HMGCLL1: variants seen among roughly 807,000 people sequenced by gnomAD.
HMGCLL1 encodes 3-hydroxy-3-methylglutaryl-CoA lyase like 1.
HMGCLL1 carries 36 observed loss-of-function variants against 39.1 expected under a neutral mutation model. That is an observed-to-expected ratio of 0.92 (90% CI 0.71 to 1.22). The LOEUF is 1.22. HMGCLL1 is among the 50% of genes most tolerant of loss of function. The pLI is 0.00. For synonymous variants in HMGCLL1, 149 were observed against 144.0 expected (o/e 1.03, Z -0.25); for missense variants, 451 against 416.5 (o/e 1.08, Z -0.72).
At chr6:55,615,743 T>G in the HMGCLL1 span, among the ~76,000 whole-genome samples, 1 of 152,144 alleles carries the variant, frequency 6.6e-6, no homozygotes, top group Non-Finnish European at 1.5e-5. Flanking sequence ...TGCATTTGTT[T>G]AAGGCTTTAT....
At chr6:55,534,731 C>A (rs1253196279) in intron 3 of HMGCLL1, among the ~76,000 whole-genome samples, 2 of 152,114 alleles carry the variant, frequency 1.3e-5, no homozygotes, top group Non-Finnish European at 2.9e-5. Flanking sequence ...TTACTGAATT[C>A]TTGATACACA....
chr6:55,617,584 C>A, the HMGCLL1 span, among the ~76,000 whole-genome samples: 1 of 152,022 alleles, frequency 6.6e-6, no homozygotes, highest in African/African-American at 2.4e-5. Flanking sequence ...AAGGTGGAAG[C>A]TTTTACAAAA....
At chr6:55,583,792 G>A (rs1466533415), upstream of HMGCLL1, among the ~76,000 whole-genome samples, 1 of 152,100 alleles carries the variant, frequency 6.6e-6, no homozygotes, top group Non-Finnish European at 1.5e-5. Flanking sequence ...GATATCTAAT[G>A]GATTTAATTT....
At chr6:55,541,613 AT>A (rs777286143) in intron 3 of HMGCLL1, 115 bp downstream of exon 3, 7 of 616,462 alleles carry the variant, frequency 1.1e-5, no homozygotes, top group Non-Finnish European at 2.0e-5. Context: ...ACAGGTTAAT[AT>A]TTTGAAAGAA....
At chr6:55,605,638 C>A in the HMGCLL1 span, among the ~76,000 whole-genome samples, 1 of 152,016 alleles carries the variant, frequency 6.6e-6, no homozygotes, top group South Asian at 2.1e-4. Context: ...ATTTACATAT[C>A]TTGATTCACA....
At chr6:55,523,983 T>C (rs529200303) in intron 3 of HMGCLL1, among the ~76,000 whole-genome samples, 4 of 151,972 alleles carry the variant, frequency 2.6e-5, no homozygotes, top group Non-Finnish European at 4.4e-5. Flanking sequence ...ATTACAAAAA[T>C]AGAATATATC....
chr6:55,650,112 T>TAC, the HMGCLL1 span, among the ~76,000 whole-genome samples: 104 of 76,824 alleles, frequency 1.4e-3, 4 homozygotes, highest in African/African-American at 6.3e-3. Flanking sequence ...TATATATATA[T>TAC]ATATATATAT....
At chr6:55,618,116 A>G in the HMGCLL1 span, among the ~76,000 whole-genome samples, 1 of 152,090 alleles carries the variant, frequency 6.6e-6, no homozygotes. Flanking sequence ...ACTATAATAT[A>G]GTGTAAAACA....
intron 7 of HMGCLL1, among the ~76,000 whole-genome samples, chr6:55,458,264 G>A (rs763382991): frequency 1.2e-4 from 19 of 152,168 alleles, no homozygotes; most frequent in Admixed American, 1.0e-3. Context: ...TAGGTGCCAC[G>A]TATACAGTAG....
At position 55,497,322 on chromosome 6, in the gene HMGCLL1, TA is replaced by T. The variant is rs148604505; in HGVS notation, c.607-1716del. ...TTCTAAGCCTTGGTTACTCTGTTCTTAAAAAAAAAAGATAAAAACAATTTTA... is the reference window on the plus strand; with the variant it reads ...TTCTAAGCCTTGGTTACTCTGTTCTTAAAAAAAAAGATAAAAACAATTTTA... On this transcript the variant is annotated intron_variant, in intron 6 of 8. Coordinates refer to ENST00000274901, the MANE Select transcript of HMGCLL1 (RefSeq NM_001042406.2). Among the ~76,000 whole-genome samples, 334 of 148,768 alleles carry T rather than the reference TA, an allele frequency of 2.2e-3. 2 individuals are homozygous for T. The highest frequency in any genetic ancestry group is 7.7e-3 in the African/African-American group (312 of 40,738).
the HMGCLL1 span, among the ~76,000 whole-genome samples, chr6:55,616,591 A>G: frequency 2.0e-5 from 3 of 152,194 alleles, no homozygotes; most frequent in East Asian, 5.8e-4. Context: ...AAACCAACTG[A>G]CCAATCTACT....
At chr6:55,576,169 A>G (rs956368697) in intron 1 of HMGCLL1, among the ~76,000 whole-genome samples, 1 of 152,220 alleles carries the variant, frequency 6.6e-6, no homozygotes, top group Non-Finnish European at 1.5e-5. Context: ...ACTATGCAAT[A>G]GAAGTCTAAC....
the HMGCLL1 span, among the ~76,000 whole-genome samples, chr6:55,617,344 C>A: frequency 6.6e-6 from 1 of 152,038 alleles, no homozygotes; most frequent in Non-Finnish European, 1.5e-5. Flanking sequence ...GTCTTGGAAA[C>A]CGCATGCTAA....
At chr6:55,582,586 T>A (rs1772003468), upstream of HMGCLL1, among the ~76,000 whole-genome samples, 1 of 152,142 alleles carries the variant, frequency 6.6e-6, no homozygotes, top group African/African-American at 2.4e-5. Context: ...ATCCATAACT[T>A]CAGCAATATC....
chr6:55,579,871 G>C (rs979446828), upstream of HMGCLL1, among the ~76,000 whole-genome samples: 9 of 152,176 alleles, frequency 5.9e-5, no homozygotes, highest in Admixed American at 1.3e-4. Flanking sequence ...GTGGAAGAGA[G>C]GGTTTGAAAA....
chr6:55,474,417 C>G (rs1394367271), intron 7 of HMGCLL1, among the ~76,000 whole-genome samples: 1 of 151,510 alleles, frequency 6.6e-6, no homozygotes, highest in Non-Finnish European at 1.5e-5. Context: ...ACCAATGAGT[C>G]TATCAACAGC....
Position 55,548,753 on chromosome 6 carries a change from T to A in HMGCLL1, c.109-6613A>T, listed in dbSNP as rs568369210. Among the ~76,000 whole-genome samples the A allele has an allele frequency of 3.3e-5, 5 of 151,326 alleles. No individual in the cohort carries two copies. The East Asian group carries it at 9.7e-4, about 29-fold the overall frequency. On this transcript the variant is annotated intron_variant, in intron 1 of 8. Coordinates refer to ENST00000274901, the MANE Select transcript of HMGCLL1 (RefSeq NM_001042406.2). The stretch of plus-strand genomic sequence containing the variant: ...GAAAGAGGAAATAGAAAATATGAGA[T>A]TAAAATAGATAATAGTAAGTAGATT...
chr6:55,673,662 T>C, the HMGCLL1 span, among the ~76,000 whole-genome samples: 1 of 151,960 alleles, frequency 6.6e-6, no homozygotes, highest in Non-Finnish European at 1.5e-5. Flanking sequence ...ATACAAATAA[T>C]GCATAATAGC....
At chr6:55,645,337 C>T in the HMGCLL1 span, among the ~76,000 whole-genome samples, 1 of 151,770 alleles carries the variant, frequency 6.6e-6, no homozygotes, top group Non-Finnish European at 1.5e-5. Context: ...GAGAATACCA[C>T]CTGCAATTGA....
Sources: gnomAD v4.1 joint callset for allele counts (sites outside exome capture counted in the v4.1 genomes callset) on GRCh38, gnomAD v4.1.1 for gene constraint, MANE v1.5 for transcripts, NCBI Gene and HGNC (gene_info 2026-07-23, HGNC 2026-07-21) for gene names.